ALK: variants seen among roughly 807,000 people sequenced by gnomAD.
The protein encoded by ALK is ALK tyrosine kinase receptor.
ALK carries 74 observed loss-of-function variants against 163.1 expected under a neutral mutation model. The ratio of observed to expected loss-of-function variants is 0.45; its 90% CI spans 0.38 to 0.55. ALK has a LOEUF of 0.55. Ranked by LOEUF, ALK falls within the 20% of genes least tolerant of loss-of-function variation. The pLI is 0.00. For synonymous variants in ALK, 960 were observed against 843.2 expected (o/e 1.14, Z -2.40); for missense variants, 2,063 against 2,105.3 (o/e 0.98, Z 0.39).
intron 4 of ALK, among the ~76,000 whole-genome samples, chr2:29,505,383 GT>G (rs963126104): frequency 6.6e-6 from 1 of 152,172 alleles, no homozygotes; most frequent in African/African-American, 2.4e-5. Flanking sequence ...TTTGGGGGCG[GT>G]GAGCTTCCTG....
At chr2:29,902,271 A>T (rs1667435264) in intron 1 of ALK, among the ~76,000 whole-genome samples, 1 of 152,146 alleles carries the variant, frequency 6.6e-6, no homozygotes, top group Non-Finnish European at 1.5e-5. Flanking sequence ...ACCCATTATT[A>T]TTCTAATCTT....
intron 5 of ALK, among the ~76,000 whole-genome samples, chr2:29,333,685 G>A (rs1667522379): frequency 2.0e-5 from 3 of 152,144 alleles, no homozygotes; most frequent in African/African-American, 7.2e-5. Context: ...GCGCAACCTT[G>A]GCTCGTCCTA....
intron 3 of ALK, among the ~76,000 whole-genome samples, chr2:29,573,083 G>C (rs1459890660): frequency 6.6e-6 from 1 of 152,166 alleles, no homozygotes; most frequent in African/African-American, 2.4e-5. Flanking sequence ...TATCTGCCTG[G>C]CTTCTCTTTT....
chr2:29,288,182 T>C (rs1296468545), intron 9 of ALK, among the ~76,000 whole-genome samples: 2 of 152,146 alleles, frequency 1.3e-5, no homozygotes, highest in African/African-American at 4.8e-5. Context: ...GGGACAGGTC[T>C]GAGTAGGGCA....
intron 4 of ALK, among the ~76,000 whole-genome samples, chr2:29,524,889 G>C (rs1264893331): frequency 6.6e-6 from 1 of 151,798 alleles, no homozygotes. Context: ...ATGGATGGAT[G>C]GGTAGATGGA....
chr2:29,662,177 G>A (rs986596602), intron 3 of ALK, among the ~76,000 whole-genome samples: 2 of 152,058 alleles, frequency 1.3e-5, no homozygotes, highest in African/African-American at 4.8e-5. Flanking sequence ...CTCCCAAAGT[G>A]CTAAGATTAC....
At chr2:29,518,043 C>T (rs1672717761) in intron 4 of ALK, among the ~76,000 whole-genome samples, 1 of 152,150 alleles carries the variant, frequency 6.6e-6, no homozygotes, top group Admixed American at 6.5e-5. Context: ...GAGAATAAAA[C>T]AGGGTTGGTG....
chr2:29,475,597 C>T (rs1671496987), intron 4 of ALK, among the ~76,000 whole-genome samples: 1 of 152,212 alleles, frequency 6.6e-6, no homozygotes, highest in Non-Finnish European at 1.5e-5. Context: ...TGTCGCCATC[C>T]TCATTGTTCC....
At chr2:29,527,154 A>G (rs537547058) in intron 4 of ALK, among the ~76,000 whole-genome samples, 13 of 152,364 alleles carry the variant, frequency 8.5e-5, no homozygotes, top group African/African-American at 2.6e-4. Flanking sequence ...GTGGTTGTCC[A>G]TAACCATGCT....
At chr2:29,332,285 CAAAAAAAAAAAAAAAAAAAAAAAAAA>C (rs57598066) in intron 5 of ALK, among the ~76,000 whole-genome samples, 2 of 18,330 alleles carry the variant, frequency 1.1e-4, no homozygotes, top group Admixed American at 9.8e-4. Flanking sequence ...GACTCCATCT[CAAAAAAAAAAAAAAAAAAAAAAAAAA>C]AAAAAAAAAA....
intron 4 of ALK, 151 bp from the exon 5 acceptor site, chr2:29,384,010 A>G (rs1246655374): frequency 1.1e-6 from 1 of 938,806 alleles, no homozygotes; most frequent in East Asian, 2.5e-5. Context: ...GGCACTGAGG[A>G]CAGTGATTCT....
chr2:29,750,683 G>T (rs1680335646), intron 1 of ALK, among the ~76,000 whole-genome samples: 1 of 144,388 alleles, frequency 6.9e-6, no homozygotes, highest in Non-Finnish European at 1.5e-5. Flanking sequence ...AAGGAAGGAA[G>T]GAAGGAAGGA....
intron 1 of ALK, among the ~76,000 whole-genome samples, chr2:29,878,746 G>A (rs979671657): frequency 9.9e-5 from 15 of 152,210 alleles, no homozygotes. Flanking sequence ...TTCAGCCAGT[G>A]CAGTGACAGT....
intron 3 of ALK, among the ~76,000 whole-genome samples, chr2:29,583,531 A>C (rs1018579057): frequency 4.0e-5 from 5 of 126,006 alleles, no homozygotes; most frequent in Non-Finnish European, 2.0e-5. Flanking sequence ...TTCTAATTCC[A>C]ACCTCTCTTG....
rs369053668 is a variant in ALK, at chr2:29,584,890, CACAT to C, written c.953-52778_953-52775del. Among the ~76,000 whole-genome samples, 795 of 152,248 alleles carry C rather than the reference CACAT, an allele frequency of 5.2e-3. 7 individuals carry two copies. Among genetic ancestry groups the C allele is most frequent in the African/African-American group, 0.018 (747 of 41,544 alleles). On this transcript the variant is annotated intron_variant, in intron 3 of 28. Coordinates refer to ENST00000389048, the MANE Select transcript of ALK (RefSeq NM_004304.5). ...TTTCTCTCTGGTCATAGTTTCAGACCACATACATTTTTGTTAAGCAGCTGGTTTG... is the reference window on the plus strand; with the variant it reads ...TTTCTCTCTGGTCATAGTTTCAGACCACATTTTTGTTAAGCAGCTGGTTTG...
rs1296992304 is a variant in ALK at position 29,193,454 on chromosome 2, C to T, written c.4633G>A (p.Val1545Ile). The change falls in exon 29 of 29, where the codon GTT (valine) becomes ATT (isoleucine). Residue 1545 changes from valine (V) to isoleucine (I), a missense_variant. Physicochemically the swap from Val to Ile is conservative, Grantham distance 29. Around this residue, in one of 5 missense-constraint regions of ALK, gnomAD observed 403 missense variants for 366.2 expected, o/e 1.10. Coordinates refer to ENST00000389048, the MANE Select transcript of ALK (RefSeq NM_004304.5). Reference protein sequence around the residue: ...LEGSCTVPPNVATGRLPGASL... With the variant: ...LEGSCTVPPNIATGRLPGASL... Reference sequence around the variant, plus strand: ...GCCCCCGGAAGTCTCCCAGTTGCAACGTTAGGTGGGACAGTACAGCTTCCC... The same window carrying T: ...GCCCCCGGAAGTCTCCCAGTTGCAATGTTAGGTGGGACAGTACAGCTTCCC... The T allele has an allele frequency of 4.3e-6, 7 of 1,614,178 alleles. No homozygotes were observed. The South Asian group carries it at 6.6e-5, about 15-fold the overall frequency.
intron 1 of ALK, among the ~76,000 whole-genome samples, chr2:29,887,927 A>T (rs1667026362): frequency 6.6e-6 from 1 of 152,224 alleles, no homozygotes; most frequent in African/African-American, 2.4e-5. Flanking sequence ...AGATTTCACA[A>T]GAGAACCTAA....
At chr2:29,887,175 T>C (rs562248626) in intron 1 of ALK, among the ~76,000 whole-genome samples, 2 of 152,348 alleles carry the variant, frequency 1.3e-5, no homozygotes, top group South Asian at 4.1e-4. Flanking sequence ...AGGCATGGTT[T>C]TAACTAGTTG....
rs557687034 is a variant in ALK, at chr2:29,739,087, A to T, written c.668-21390T>A. Reference sequence around the variant, plus strand: ...CCCTGTCTCTTCAAAAAAATTTTTTAAAATAGCCAGGCATAGTGGCACCCA... The same window carrying T: ...CCCTGTCTCTTCAAAAAAATTTTTTTAAATAGCCAGGCATAGTGGCACCCA... On this transcript the variant is annotated intron_variant, in intron 1 of 28. Coordinates refer to ENST00000389048, the MANE Select transcript of ALK (RefSeq NM_004304.5). Among the ~76,000 whole-genome samples, 29 of 151,712 alleles carry T rather than the reference A, an allele frequency of 1.9e-4. 1 individual carries two copies. Among genetic ancestry groups the T allele is most frequent in the African/African-American group, 7.0e-4 (29 of 41,222 alleles).
Sources: gnomAD v4.1 joint callset for allele counts (sites outside exome capture counted in the v4.1 genomes callset) on GRCh38, gnomAD v4.1.1 for gene constraint, gnomAD v4.1.1 regional missense constraint, MANE v1.5 for transcripts, NCBI Gene and HGNC (gene_info 2026-07-23, HGNC 2026-07-21) for gene names.